The following MBNL2 variants were observed in gnomAD, a reference collection of about 807,000 sequenced individuals.
MBNL2 encodes the protein muscleblind like splicing regulator 2, also known as muscleblind-like protein 2.
MBNL2 carries 17 observed loss-of-function variants against 41.9 expected under a neutral mutation model. The ratio of observed to expected loss-of-function variants is 0.41; its 90% CI spans 0.28 to 0.61. The LOEUF (loss-of-function observed/expected upper bound fraction) is 0.61. Among genes scored for constraint, MBNL2 ranks in the 20% least tolerant of loss-of-function variants. MBNL2 has a pLI of 0.35. For synonymous variants in MBNL2, 195 were observed against 182.9 expected (o/e 1.07, Z -0.53); for missense variants, 336 against 505.6 (o/e 0.66, Z 3.22).
intron 7 of MBNL2, among the ~76,000 whole-genome samples, chr13:97,363,957 C>G (rs1462714825): frequency 6.6e-6 from 1 of 152,156 alleles, no homozygotes; most frequent in Non-Finnish European, 1.5e-5. Context: ...TTCTGAAACT[C>G]TAAGAGGGCA....
At chr13:97,185,622 G>A in the MBNL2 span, among the ~76,000 whole-genome samples, 1 of 152,180 alleles carries the variant, frequency 6.6e-6, no homozygotes, top group South Asian at 2.1e-4. Context: ...GATGGAAGGA[G>A]CCATGAGCAG....
chr13:97,163,772 C>T, the MBNL2 span, among the ~76,000 whole-genome samples: 2 of 152,040 alleles, frequency 1.3e-5, no homozygotes, highest in African/African-American at 4.8e-5. Context: ...AAGGGGTGGG[C>T]CCTTAATCCA....
At chr13:97,197,189 T>C in the MBNL2 span, among the ~76,000 whole-genome samples, 1 of 152,216 alleles carries the variant, frequency 6.6e-6, no homozygotes, top group Non-Finnish European at 1.5e-5. Context: ...CTTTATTTCT[T>C]AGGTAGATAC....
chr13:97,207,530 G>C, the MBNL2 span, among the ~76,000 whole-genome samples: 1 of 152,130 alleles, frequency 6.6e-6, no homozygotes. Context: ...GATCTTGTGA[G>C]ACTTATTCAC....
the MBNL2 span, among the ~76,000 whole-genome samples, chr13:97,157,846 C>T: frequency 6.6e-6 from 1 of 151,812 alleles, no homozygotes; most frequent in East Asian, 1.9e-4. Context: ...GGATATTGGT[C>T]TAAAATTCTC....
chr13:97,235,079 G>A (rs2043022161), intron 1 of MBNL2, among the ~76,000 whole-genome samples: 1 of 152,194 alleles, frequency 6.6e-6, no homozygotes, highest in Admixed American at 6.5e-5. Context: ...GGGTGAGGAG[G>A]GGTGTTGAAC....
At chr13:97,288,510 C>T (rs966815834) in intron 2 of MBNL2, among the ~76,000 whole-genome samples, 2 of 152,150 alleles carry the variant, frequency 1.3e-5, no homozygotes, top group Admixed American at 1.3e-4. Flanking sequence ...ATAATCAAGT[C>T]CCCAAGAAAC....
rs549101046 is a variant in MBNL2, at chr13:97,228,344, G to T, written c.-605+5813G>T. On this transcript the variant is annotated intron_variant, in intron 1 of 8. Coordinates refer to ENST00000679496, the MANE Select transcript of MBNL2 (RefSeq NM_001382683.1). Reference sequence around the variant, plus strand: ...TTTTCAGCTGAACGAATGAAATTGAGGACATAAAAATAATTCATTTGCAGA... The same window carrying T: ...TTTTCAGCTGAACGAATGAAATTGATGACATAAAAATAATTCATTTGCAGA... 5.3e-4 allele frequency among the ~76,000 whole-genome samples: 81 copies of T among 151,798 alleles called. 4 individuals carry two copies. The South Asian group carries it at 0.013, about 25-fold the overall frequency.
intron 1 of MBNL2, among the ~76,000 whole-genome samples, chr13:97,259,187 G>C (rs552623501): frequency 1.3e-5 from 2 of 152,122 alleles, no homozygotes; most frequent in Admixed American, 1.3e-4. Context: ...GTCCAGGACC[G>C]CAGTATCTCC....
the MBNL2 span, among the ~76,000 whole-genome samples, chr13:97,167,858 G>A: frequency 2.0e-5 from 3 of 152,064 alleles, no homozygotes; most frequent in Non-Finnish European, 1.5e-5. Context: ...AAAATTATTT[G>A]TCCCTTAACC....
chr13:97,317,695 A>G (rs905264807), intron 2 of MBNL2, among the ~76,000 whole-genome samples: 2 of 152,232 alleles, frequency 1.3e-5, no homozygotes, highest in Admixed American at 1.3e-4. Flanking sequence ...AGACGGAGAT[A>G]TGATGGCAGT....
chr13:97,345,110 G>A (rs777652129), intron 4 of MBNL2, among the ~76,000 whole-genome samples: 1 of 152,204 alleles, frequency 6.6e-6, no homozygotes, highest in Non-Finnish European at 1.5e-5. Flanking sequence ...ACAATCTGGT[G>A]ATTTATGCTA....
chr13:97,246,130 T>C (rs1438302629), intron 1 of MBNL2, among the ~76,000 whole-genome samples: 7 of 152,244 alleles, frequency 4.6e-5, no homozygotes, highest in Non-Finnish European at 7.3e-5. Context: ...CTGAAATTTC[T>C]GTTTGGAATT....
At chr13:97,326,528 A>G (rs1305144387) in intron 2 of MBNL2, among the ~76,000 whole-genome samples, 1 of 152,230 alleles carries the variant, frequency 6.6e-6, no homozygotes, top group Non-Finnish European at 1.5e-5. Flanking sequence ...AATAAACAGA[A>G]AGAGCTTATT....
chr13:97,310,662 C>T (rs2058516619), intron 2 of MBNL2, among the ~76,000 whole-genome samples: 1 of 152,088 alleles, frequency 6.6e-6, no homozygotes, highest in African/African-American at 2.4e-5. Flanking sequence ...ATCTCCTGAC[C>T]TTGTGATCCA....
chr13:97,387,321 C>T (rs192432693), intron 8 of MBNL2, among the ~76,000 whole-genome samples: 12 of 152,278 alleles, frequency 7.9e-5, no homozygotes, highest in South Asian at 6.2e-4. Flanking sequence ...TAAGCAGACA[C>T]GTTTGCAACA....
At chr13:97,241,158 G>C (rs1008101777) in intron 1 of MBNL2, among the ~76,000 whole-genome samples, 3 of 152,218 alleles carry the variant, frequency 2.0e-5, no homozygotes, top group Non-Finnish European at 4.4e-5. Flanking sequence ...TGGAACTGAA[G>C]TCCCCTTCCT....
At chr13:97,286,818 G>A (rs540029227) in intron 2 of MBNL2, among the ~76,000 whole-genome samples, 1 of 152,208 alleles carries the variant, frequency 6.6e-6, no homozygotes, top group South Asian at 2.1e-4. Context: ...TAAATGCCAC[G>A]TTTGCTCACA....
intron 8 of MBNL2, among the ~76,000 whole-genome samples, chr13:97,384,112 G>A (rs950714558): frequency 6.6e-6 from 1 of 152,064 alleles, no homozygotes; most frequent in South Asian, 2.1e-4. Flanking sequence ...CGTTGGCCAG[G>A]CTGGTCTCGA....
Sources: allele counts gnomAD v4.1 joint callset (sites outside exome capture counted in the v4.1 genomes callset), GRCh38; gene constraint gnomAD v4.1.1; transcripts MANE v1.5; gene names NCBI Gene and HGNC (gene_info 2026-07-23, HGNC 2026-07-21).